MSH3: variants seen among roughly 807,000 people sequenced by gnomAD.
MSH3 encodes DNA mismatch repair protein Msh3.
In MSH3, 106 loss-of-function variants were observed where a neutral mutation model predicts 123.3. The observed-to-expected ratio is 0.86, with a 90% CI of 0.73 to 1.01. The LOEUF is 1.01. Among genes scored for constraint, MSH3 ranks in the 50% least tolerant of loss-of-function variants. MSH3 has a pLI of 0.00. For synonymous variants in MSH3, 515 were observed against 481.4 expected (o/e 1.07, Z -0.91); for missense variants, 1,459 against 1,347.6 (o/e 1.08, Z -1.29).
chr5:80,798,988 A>G (rs1744745932), intron 19 of MSH3, among the ~76,000 whole-genome samples: 1 of 152,216 alleles, frequency 6.6e-6, no homozygotes, highest in Admixed American at 6.5e-5. Flanking sequence ...CTTTTGTTAC[A>G]CAAGTGTAGT....
intron 19 of MSH3, among the ~76,000 whole-genome samples, chr5:80,810,706 C>T (rs1744995551): frequency 1.3e-5 from 2 of 152,122 alleles, no homozygotes; most frequent in Admixed American, 6.5e-5. Context: ...CATTATAATA[C>T]TGAGTCATCC....
chr5:80,819,424 ATG>A (rs1162256489), intron 20 of MSH3, among the ~76,000 whole-genome samples: 3 of 141,892 alleles, frequency 2.1e-5, no homozygotes, highest in Non-Finnish European at 3.0e-5. Flanking sequence ...ATATGTATAT[ATG>A]TGTGTGTATA....
chr5:80,675,617 T>A (rs992139722), intron 7 of MSH3, among the ~76,000 whole-genome samples: 2 of 152,138 alleles, frequency 1.3e-5, no homozygotes, highest in African/African-American at 4.8e-5. Flanking sequence ...TCTAATCACC[T>A]CCCACCAGGT....
At chr5:80,822,299 A>C (rs997825087) in intron 20 of MSH3, among the ~76,000 whole-genome samples, 1 of 152,202 alleles carries the variant, frequency 6.6e-6, no homozygotes, top group African/African-American at 2.4e-5. Context: ...CCTTTTTCAA[A>C]TTACTACTTC....
At chr5:80,684,249 G>A (rs368295329) in intron 8 of MSH3, among the ~76,000 whole-genome samples, 18 of 152,164 alleles carry the variant, frequency 1.2e-4, no homozygotes, top group South Asian at 2.1e-4. Flanking sequence ...TAGGGATTGC[G>A]TTGAATCTGT....
At chr5:80,657,139 G>T (rs991986346) in intron 2 of MSH3, among the ~76,000 whole-genome samples, 1 of 151,974 alleles carries the variant, frequency 6.6e-6, no homozygotes, top group Admixed American at 6.6e-5. Flanking sequence ...AAAAGGCATT[G>T]AATAAAAACA....
chr5:80,723,111 A>AAATG lies in MSH3; in HGVS notation c.1341-2339_1341-2338insGAAT, dbSNP rs1487593332. Among the ~76,000 whole-genome samples the AAATG allele has an allele frequency of 7.3e-5, 11 of 151,052 alleles. No homozygotes were observed. In the East Asian group the frequency reaches 1.9e-3, roughly 27 times the overall value. ...TCTGTCTAAAAATAAATAAATAAATAAATAAATAAATAAATAAATAAAGTA... is the reference window on the plus strand; with the variant it reads ...TCTGTCTAAAAATAAATAAATAAATAAATGAATAAATAAATAAATAAATAAAGTA... On this transcript the variant is annotated intron_variant, in intron 8 of 23. Coordinates refer to ENST00000265081, the MANE Select transcript of MSH3 (RefSeq NM_002439.5).
intron 20 of MSH3, among the ~76,000 whole-genome samples, chr5:80,843,237 C>G (rs952334176): frequency 1.5e-4 from 23 of 152,202 alleles, no homozygotes; most frequent in Admixed American, 1.3e-3. Context: ...AGCAGCCTTG[C>G]ATCCCATAGA....
intron 20 of MSH3, among the ~76,000 whole-genome samples, chr5:80,814,078 G>T (rs1333550263): frequency 2.7e-5 from 4 of 150,876 alleles, no homozygotes. Context: ...GTGAGCCGAG[G>T]TCACACCATT....
intron 20 of MSH3, among the ~76,000 whole-genome samples, chr5:80,841,698 G>A (rs1046819477): frequency 3.3e-5 from 5 of 152,208 alleles, no homozygotes; most frequent in Non-Finnish European, 7.3e-5. Flanking sequence ...CTGCATGAAT[G>A]TTTTCTTTTG....
At chr5:80,851,340 T>C (rs1222777213) in intron 20 of MSH3, among the ~76,000 whole-genome samples, 17 of 152,188 alleles carry the variant, frequency 1.1e-4, no homozygotes, top group Admixed American at 1.1e-3. Flanking sequence ...CTCTTGATAA[T>C]GGCAGATCAT....
At chr5:80,691,475 A>G (rs1393339985) in intron 8 of MSH3, among the ~76,000 whole-genome samples, 1 of 151,828 alleles carries the variant, frequency 6.6e-6, no homozygotes, top group Non-Finnish European at 1.5e-5. Flanking sequence ...ACGTTCATGA[A>G]TGGAAAGATT....
chr5:80,757,315 A>G (rs1467396012), intron 12 of MSH3, among the ~76,000 whole-genome samples: 1 of 152,134 alleles, frequency 6.6e-6, no homozygotes. Flanking sequence ...CTCAAATACT[A>G]GATCTTATTC....
intron 20 of MSH3, among the ~76,000 whole-genome samples, chr5:80,820,989 G>A (rs6151890): frequency 7.9e-5 from 12 of 152,162 alleles, no homozygotes; most frequent in Non-Finnish European, 1.5e-4. Context: ...AGACCATGCC[G>A]GCAATTCAGC....
At chr5:80,724,900 G>A (rs1243343233) in intron 8 of MSH3, among the ~76,000 whole-genome samples, 1 of 152,004 alleles carries the variant, frequency 6.6e-6, no homozygotes, top group Non-Finnish European at 1.5e-5. Context: ...AATGTGCTAG[G>A]TGATATAAAA....
chr5:80,711,629 A>C (rs1386909059), intron 8 of MSH3, among the ~76,000 whole-genome samples: 1 of 151,968 alleles, frequency 6.6e-6, no homozygotes, highest in African/African-American at 2.4e-5. Context: ...CCCCTTTTTG[A>C]AGACAGCACA....
chr5:80,676,763 GTTAT>G (rs1212839972), intron 7 of MSH3, among the ~76,000 whole-genome samples: 4 of 152,136 alleles, frequency 2.6e-5, no homozygotes, highest in Admixed American at 6.5e-5. Flanking sequence ...AAATAGTAAA[GTTAT>G]TTACTTTTAA....
intron 9 of MSH3, among the ~76,000 whole-genome samples, chr5:80,726,686 C>T (rs1290909287): frequency 1.3e-5 from 2 of 152,092 alleles, no homozygotes; most frequent in Admixed American, 6.5e-5. Context: ...CTAGGCTGGT[C>T]TTGAACTCCT....
intron 19 of MSH3, among the ~76,000 whole-genome samples, chr5:80,813,339 T>C (rs1745041908): frequency 6.6e-6 from 1 of 152,254 alleles, no homozygotes; most frequent in Non-Finnish European, 1.5e-5. Context: ...GAGAAAGCCA[T>C]AGCAGTTATC....
Sources: allele counts gnomAD v4.1 joint callset (sites outside exome capture counted in the v4.1 genomes callset), GRCh38; gene constraint gnomAD v4.1.1; transcripts MANE v1.5; gene names NCBI Gene and HGNC (gene_info 2026-07-23, HGNC 2026-07-21).